The following TMEM45A variants were observed in gnomAD, a reference collection of about 807,000 sequenced individuals.
TMEM45A encodes transmembrane protein 45A, also known as DNA polymerase-transactivated protein 4.
In TMEM45A, 25 loss-of-function variants were observed where a neutral mutation model predicts 32.0. That is an observed-to-expected ratio of 0.78 (90% CI 0.57 to 1.09). The LOEUF (loss-of-function observed/expected upper bound fraction) is 1.09, where lower values mean the gene tolerates loss of function less well. Among genes scored for constraint, TMEM45A ranks in the 50% least tolerant of loss-of-function variants. The pLI is 0.00. For synonymous variants in TMEM45A, 122 were observed against 114.8 expected (o/e 1.06, Z -0.40); for missense variants, 302 against 325.0 (o/e 0.93, Z 0.54).
At chr3:100,557,054 A>G in intron 3 of TMEM45A, 82 bp downstream of exon 3, 2 of 1,434,020 alleles carry the variant, frequency 1.4e-6, no homozygotes, top group Non-Finnish European at 1.9e-6. Flanking sequence ...TACCTCTGGC[A>G]TCTTGTTGCA....
At chr3:100,539,438 T>C (rs73139237) in intron 1 of TMEM45A, among the ~76,000 whole-genome samples, 4,686 of 108,400 alleles carry the variant, frequency 0.043, 272 homozygotes, top group Non-Finnish European at 0.052. Flanking sequence ...ATAGGATATG[T>C]ATATGTATAT....
At chr3:100,509,647 A>T (rs1455766566) in intron 1 of TMEM45A, among the ~76,000 whole-genome samples, 3 of 152,248 alleles carry the variant, frequency 2.0e-5, no homozygotes, top group Non-Finnish European at 2.9e-5. Flanking sequence ...GCTCCAGTCT[A>T]CAGCTCCCAG....
intron 1 of TMEM45A, among the ~76,000 whole-genome samples, chr3:100,509,300 C>T (rs1418118497): frequency 6.6e-6 from 1 of 152,104 alleles, no homozygotes; most frequent in East Asian, 1.9e-4. Flanking sequence ...CTGGCAAGGA[C>T]ATGGAGAAAA....
At position 100,505,794 on chromosome 3, in the gene TMEM45A, A is replaced by G. The variant is rs560325670; in HGVS notation, c.-4+12866A>G. The stretch of plus-strand genomic sequence containing the variant: ...GATGAACAGCAGTAATCTCTAAGAA[A>G]TAGGAGACAAAAAGGCGTACACTCG... On this transcript the variant is annotated intron_variant, in intron 1 of 5. Coordinates refer to ENST00000323523, the MANE Select transcript of TMEM45A (RefSeq NM_018004.3). Among the ~76,000 whole-genome samples, 3 of 152,342 alleles carry G rather than the reference A, an allele frequency of 2.0e-5. No individual in the cohort carries two copies. In the South Asian group the frequency reaches 6.2e-4, roughly 32 times the overall value.
intron 1 of TMEM45A, among the ~76,000 whole-genome samples, chr3:100,534,472 G>A (rs1265589911): frequency 6.6e-6 from 1 of 152,138 alleles, no homozygotes; most frequent in Non-Finnish European, 1.5e-5. Flanking sequence ...ATGCCATGCT[G>A]CTGGCTTTGA....
At chr3:100,555,896 A>G (rs1220131275) in intron 2 of TMEM45A, among the ~76,000 whole-genome samples, 2 of 152,238 alleles carry the variant, frequency 1.3e-5, no homozygotes, top group African/African-American at 2.4e-5. Flanking sequence ...GCCAAATTCT[A>G]TAGATTAACA....
chr3:100,571,414 T>C (rs1042145989), intron 5 of TMEM45A: 4 of 152,146 alleles, frequency 2.6e-5, no homozygotes, highest in Non-Finnish European at 5.9e-5. Context: ...AAAGATGATT[T>C]AATATTGAAA....
rs116709969 is a variant in TMEM45A, at chr3:100,557,891, T to A, written c.404-514T>A. The stretch of plus-strand genomic sequence containing the variant: ...AGCTTCCAGAGCATGTTGTTATATC[T>A]GTCAAAATCCACCCGTATGTGTTTG... On this transcript the variant is annotated intron_variant, in intron 3 of 5. Coordinates refer to ENST00000323523, the MANE Select transcript of TMEM45A (RefSeq NM_018004.3). Among the ~76,000 whole-genome samples the A allele has an allele frequency of 3.7e-3, 570 of 152,324 alleles. 5 individuals are homozygous for A. The highest frequency in any genetic ancestry group is 5.6e-3 in the Non-Finnish European group (380 of 68,030).
intron 4 of TMEM45A, among the ~76,000 whole-genome samples, chr3:100,564,898 C>T (rs1052686348): frequency 4.6e-5 from 7 of 152,210 alleles, no homozygotes; most frequent in Non-Finnish European, 7.3e-5. Flanking sequence ...GCCATGTCCT[C>T]GTGGGACCAC....
At chr3:100,562,169 A>G (rs1482995273) in intron 4 of TMEM45A, among the ~76,000 whole-genome samples, 3 of 152,204 alleles carry the variant, frequency 2.0e-5, no homozygotes, top group Non-Finnish European at 4.4e-5. Context: ...CCAGATGTTC[A>G]GGAATGGCAT....
chr3:100,523,657 T>G (rs1471905668), intron 1 of TMEM45A, among the ~76,000 whole-genome samples: 1 of 151,412 alleles, frequency 6.6e-6, no homozygotes, highest in Non-Finnish European at 1.5e-5. Context: ...CTCCTCCTCC[T>G]TCTCTTCTTC....
intron 1 of TMEM45A, among the ~76,000 whole-genome samples, chr3:100,503,877 A>G (rs552647602): frequency 6.6e-6 from 1 of 152,350 alleles, no homozygotes; most frequent in East Asian, 1.9e-4. Context: ...CAGTATTTAA[A>G]TACAGGGTAG....
chr3:100,568,609 T>C (rs953754268), intron 4 of TMEM45A, among the ~76,000 whole-genome samples: 1 of 152,226 alleles, frequency 6.6e-6, no homozygotes, highest in Non-Finnish European at 1.5e-5. Context: ...AAACTGATCA[T>C]TAAATGTCCT....
chr3:100,555,767 T>C (rs567411780), intron 2 of TMEM45A, among the ~76,000 whole-genome samples: 5 of 152,202 alleles, frequency 3.3e-5, no homozygotes, highest in African/African-American at 1.2e-4. Flanking sequence ...AGCCTCTCCA[T>C]TATAAAAGAT....
At chr3:100,511,076 C>A (rs1347243662) in intron 1 of TMEM45A, among the ~76,000 whole-genome samples, 1 of 152,106 alleles carries the variant, frequency 6.6e-6, no homozygotes, top group African/African-American at 2.4e-5. Context: ...AGAACTTCCC[C>A]AATCTAGCAA....
At chr3:100,512,784 A>G (rs1353833800) in intron 1 of TMEM45A, among the ~76,000 whole-genome samples, 1 of 151,242 alleles carries the variant, frequency 6.6e-6, no homozygotes, top group Non-Finnish European at 1.5e-5. Flanking sequence ...AAAAAATGAT[A>G]AAGGGGATAT....
chr3:100,515,140 G>T (rs1708238156), intron 1 of TMEM45A, among the ~76,000 whole-genome samples: 1 of 150,948 alleles, frequency 6.6e-6, no homozygotes, highest in Non-Finnish European at 1.5e-5. Flanking sequence ...TATACCCAAA[G>T]GACTATAAAT....
intron 1 of TMEM45A, among the ~76,000 whole-genome samples, chr3:100,506,958 C>A (rs190916356): frequency 6.6e-6 from 1 of 152,272 alleles, no homozygotes; most frequent in Non-Finnish European, 1.5e-5. Context: ...TGAGTAAAGT[C>A]TTGTTAGGAC....
At position 100,571,869 on chromosome 3, in the gene TMEM45A, G is replaced by A. The variant is rs530099418; in HGVS notation, c.734+2902G>A. ...GCGGTGTTTGGTTTTTTGTTCTTGC[G>A]ATAGTTTGCTGAGAATGATGGTTTC... On this transcript the variant is annotated intron_variant, in intron 5 of 5. Coordinates refer to ENST00000323523, the MANE Select transcript of TMEM45A (RefSeq NM_018004.3). The A allele has an allele frequency of 2.6e-5, 4 of 152,190 alleles. No homozygotes were observed. The South Asian group carries it at 6.2e-4, about 24-fold the overall frequency. The allele number at this position is 152,190 out of a possible 1,614,324, so 9.4% of individuals were successfully genotyped here.
Sources: allele counts gnomAD v4.1 joint callset (sites outside exome capture counted in the v4.1 genomes callset), GRCh38; gene constraint gnomAD v4.1.1; transcripts MANE v1.5; gene names NCBI Gene and HGNC (gene_info 2026-07-23, HGNC 2026-07-21).